The following CDK14 variants were observed in gnomAD, a reference collection of about 807,000 sequenced individuals.
The protein encoded by CDK14 is cyclin dependent kinase 14, also known as cyclin-dependent kinase 14.
Under a neutral mutation model 60.7 loss-of-function variants are expected in CDK14, and 34 were observed. The ratio of observed to expected loss-of-function variants is 0.56; its 90% CI spans 0.43 to 0.75. The LOEUF is 0.75. Among genes scored for constraint, CDK14 ranks in the 30% least tolerant of loss-of-function variants. CDK14 has a pLI of 0.00. For synonymous variants in CDK14, 197 were observed against 203.7 expected (o/e 0.97, Z 0.28); for missense variants, 482 against 564.1 (o/e 0.85, Z 1.47).
chr7:90,947,054 C>T (rs2117532681), intron 8 of CDK14, among the ~76,000 whole-genome samples: 1 of 152,280 alleles, frequency 6.6e-6, no homozygotes, highest in African/African-American at 2.4e-5. Flanking sequence ...TGAGCTTTTC[C>T]CTGCAGTATT....
chr7:90,859,068 A>C (rs750113991), intron 5 of CDK14, among the ~76,000 whole-genome samples: 3 of 152,198 alleles, frequency 2.0e-5, no homozygotes, highest in Admixed American at 6.5e-5. Flanking sequence ...TGCAAAACTA[A>C]GTTTCTCCTG....
intron 6 of CDK14, among the ~76,000 whole-genome samples, chr7:90,872,656 A>AT (rs200001941): frequency 6.6e-6 from 1 of 151,554 alleles, no homozygotes; most frequent in Non-Finnish European, 1.5e-5. Context: ...TGAGATATCA[A>AT]TTTTTTTCCT....
intron 11 of CDK14, among the ~76,000 whole-genome samples, chr7:91,053,074 C>T (rs1327615007): frequency 6.6e-6 from 1 of 151,976 alleles, no homozygotes; most frequent in Admixed American, 6.6e-5. Flanking sequence ...CCAAACAGGT[C>T]CACACTTTTT....
chr7:90,685,610 A>G (rs1425159106), intron 2 of CDK14, among the ~76,000 whole-genome samples: 1 of 150,108 alleles, frequency 6.7e-6, no homozygotes, highest in Non-Finnish European at 1.5e-5. Context: ...TCCCAACTAG[A>G]TAGGACTACA....
intron 10 of CDK14, among the ~76,000 whole-genome samples, chr7:91,034,832 A>C (rs530593238): frequency 3.1e-4 from 47 of 152,284 alleles, no homozygotes; most frequent in Non-Finnish European, 5.7e-4. Context: ...AGAATACTCT[A>C]ATCTCTTACC....
intron 2 of CDK14, among the ~76,000 whole-genome samples, chr7:90,677,814 A>G (rs1801231763): frequency 6.6e-6 from 1 of 152,154 alleles, no homozygotes; most frequent in Non-Finnish European, 1.5e-5. Context: ...TTTAATGGAA[A>G]GGGGAAATGG....
chr7:90,946,411 C>T (rs1020071239), intron 8 of CDK14, among the ~76,000 whole-genome samples: 3 of 152,030 alleles, frequency 2.0e-5, no homozygotes, highest in Non-Finnish European at 2.9e-5. Flanking sequence ...TTTAATAGGC[C>T]TCTCCTCAAA....
intron 10 of CDK14, among the ~76,000 whole-genome samples, chr7:90,991,749 G>A (rs1351725093): frequency 6.6e-6 from 1 of 152,186 alleles, no homozygotes; most frequent in African/African-American, 2.4e-5. Context: ...ATTAAGAAAG[G>A]TTAGACTTTC....
intron 2 of CDK14, among the ~76,000 whole-genome samples, chr7:90,649,292 C>CT (rs1240320947): frequency 1.5e-4 from 10 of 66,952 alleles, no homozygotes; most frequent in African/African-American, 6.8e-4. Context: ...TTCTTTCTTT[C>CT]TTTCTTTCTT....
chr7:91,172,163 G>A (rs1314288248), intron 14 of CDK14, among the ~76,000 whole-genome samples: 3 of 152,130 alleles, frequency 2.0e-5, no homozygotes, highest in Non-Finnish European at 4.4e-5. Context: ...TCTGTTAAGA[G>A]GTATAGAGAC....
chr7:90,678,450 G>A (rs1189250376), intron 2 of CDK14, among the ~76,000 whole-genome samples: 1 of 152,142 alleles, frequency 6.6e-6, no homozygotes, highest in South Asian at 2.1e-4. Flanking sequence ...GTTTGTGTTC[G>A]TCTCTTCCAC....
intron 2 of CDK14, among the ~76,000 whole-genome samples, chr7:90,620,838 C>G (rs1467796073): frequency 6.6e-6 from 1 of 152,146 alleles, no homozygotes; most frequent in African/African-American, 2.4e-5. Context: ...TTTTAGGAAC[C>G]TCCACATTTT....
intron 10 of CDK14, among the ~76,000 whole-genome samples, chr7:91,032,990 G>C (rs918070940): frequency 2.0e-5 from 3 of 152,102 alleles, no homozygotes; most frequent in African/African-American, 7.2e-5. Flanking sequence ...ACATTTTTCA[G>C]GGTAAAGGTT....
chr7:90,829,463 A>G (rs1199719584), intron 5 of CDK14, among the ~76,000 whole-genome samples: 2 of 152,150 alleles, frequency 1.3e-5, no homozygotes, highest in Non-Finnish European at 2.9e-5. Flanking sequence ...TCCCATTCTA[A>G]CAGGGAGAAA....
At chr7:90,982,131 T>C (rs1795244146) in intron 9 of CDK14, among the ~76,000 whole-genome samples, 1 of 152,140 alleles carries the variant, frequency 6.6e-6, no homozygotes, top group South Asian at 2.1e-4. Flanking sequence ...GTGGGAACTG[T>C]GAGCATGGCA....
At chr7:91,113,007 C>T (rs1028183848) in intron 13 of CDK14, among the ~76,000 whole-genome samples, 3 of 152,112 alleles carry the variant, frequency 2.0e-5, no homozygotes, top group African/African-American at 7.2e-5. Flanking sequence ...AGCTGTGCAT[C>T]TTTGTATTTG....
chr7:90,640,085 G>A (rs547222013), intron 2 of CDK14, among the ~76,000 whole-genome samples: 1 of 152,250 alleles, frequency 6.6e-6, no homozygotes, highest in East Asian at 2.0e-4. Flanking sequence ...GTGAGGCAGT[G>A]CCTCGCCCTG....
At chr7:90,836,524 A>G (rs1352626859) in intron 5 of CDK14, among the ~76,000 whole-genome samples, 1 of 152,144 alleles carries the variant, frequency 6.6e-6, no homozygotes, top group Non-Finnish European at 1.5e-5. Flanking sequence ...GTCATCTCCT[A>G]TTATAACAAG....
intron 14 of CDK14, among the ~76,000 whole-genome samples, chr7:91,154,127 A>C (rs1800904711): frequency 6.6e-6 from 1 of 152,068 alleles, no homozygotes; most frequent in Non-Finnish European, 1.5e-5. Flanking sequence ...TTAACATTTT[A>C]ATATATTTCC....
Sources: allele counts gnomAD v4.1 joint callset (sites outside exome capture counted in the v4.1 genomes callset), GRCh38; gene constraint gnomAD v4.1.1; transcripts MANE v1.5; gene names NCBI Gene and HGNC (gene_info 2026-07-23, HGNC 2026-07-21).